NKAIN3: variants seen among roughly 807,000 people sequenced by gnomAD.
NKAIN3 encodes the protein sodium/potassium transporting ATPase interacting 3, also known as sodium/potassium-transporting ATPase subunit beta-1-interacting protein 3.
In NKAIN3, 25 loss-of-function variants were observed where a neutral mutation model predicts 30.2. That is an observed-to-expected ratio of 0.83 (90% CI 0.60 to 1.16). NKAIN3 has a LOEUF of 1.16. NKAIN3 is among the 50% of genes most tolerant of loss of function. The pLI is 0.00. For missense variants in NKAIN3, 225 were observed against 254.1 expected (o/e 0.89, Z 0.78); for synonymous variants, 91 against 89.6 (o/e 1.02, Z -0.09).
intron 1 of NKAIN3, among the ~76,000 whole-genome samples, chr8:62,331,208 T>G (rs1020708852): frequency 6.8e-6 from 1 of 148,102 alleles, no homozygotes; most frequent in East Asian, 2.1e-4. Context: ...GGGTCACTTA[T>G]GTACATTTAA....
chr8:62,811,502 T>A (rs973233097), intron 4 of NKAIN3, among the ~76,000 whole-genome samples: 1 of 152,086 alleles, frequency 6.6e-6, no homozygotes, highest in East Asian at 1.9e-4. Flanking sequence ...ATATGGGTGA[T>A]CTAGTTTCTC....
At chr8:62,845,038 A>T (rs1819635419) in intron 4 of NKAIN3, among the ~76,000 whole-genome samples, 1 of 151,952 alleles carries the variant, frequency 6.6e-6, no homozygotes, top group Non-Finnish European at 1.5e-5. Flanking sequence ...AGTATATTGT[A>T]TGCAACCGTA....
chr8:62,702,334 G>C (rs1207768965), intron 3 of NKAIN3, among the ~76,000 whole-genome samples: 1 of 152,150 alleles, frequency 6.6e-6, no homozygotes, highest in East Asian at 1.9e-4. Flanking sequence ...AAAGTATCCA[G>C]TTTAAGACAG....
At chr8:62,300,537 G>T (rs1814010931) in intron 1 of NKAIN3, among the ~76,000 whole-genome samples, 1 of 151,952 alleles carries the variant, frequency 6.6e-6, no homozygotes, top group Non-Finnish European at 1.5e-5. Context: ...TATTTTTCTA[G>T]CAATTAAAAA....
At chr8:62,780,448 C>T (rs1817322456) in intron 4 of NKAIN3, among the ~76,000 whole-genome samples, 1 of 152,042 alleles carries the variant, frequency 6.6e-6, no homozygotes, top group Non-Finnish European at 1.5e-5. Context: ...ATGATAGCAT[C>T]ATCCTAATAC....
At chr8:62,520,432 C>T (rs1808120289) in intron 1 of NKAIN3, among the ~76,000 whole-genome samples, 1 of 151,932 alleles carries the variant, frequency 6.6e-6, no homozygotes, top group Non-Finnish European at 1.5e-5. Context: ...ATTATCACTT[C>T]CATAGGTAAT....
At chr8:62,883,646 GA>G (rs1480995850) in intron 4 of NKAIN3, among the ~76,000 whole-genome samples, 8 of 151,826 alleles carry the variant, frequency 5.3e-5, no homozygotes, top group Non-Finnish European at 1.2e-4. Context: ...GATCTTAGCA[GA>G]AAAACTTATA....
rs1250633269 is a variant in NKAIN3, at chr8:62,972,977, A to G, written c.*7570A>G. Among the ~76,000 whole-genome samples the G allele has an allele frequency of 6.6e-6, 1 of 151,906 alleles. No individual in the cohort carries two copies. The highest frequency in any genetic ancestry group is 1.5e-5 in the Non-Finnish European group (1 of 68,008). ...GCTGAGAATGATGGTTTCCAGCTTC[A>G]TCCATGTCCCTGCAAAGGACATTAA... is the stretch of plus-strand genomic sequence containing the variant. On this transcript the variant is annotated 3_prime_UTR_variant, in exon 7 of 7. Coordinates refer to ENST00000623646, the MANE Select transcript of NKAIN3 (RefSeq NM_001304533.3).
chr8:62,856,844 C>G (rs1820074518), intron 4 of NKAIN3: 1 of 603,192 alleles, frequency 1.7e-6, no homozygotes, highest in African/African-American at 1.9e-5. Context: ...GCCAAGAGAT[C>G]TCAAACACTG....
At chr8:62,555,848 G>A (rs888131297) in intron 1 of NKAIN3, among the ~76,000 whole-genome samples, 1 of 151,872 alleles carries the variant, frequency 6.6e-6, no homozygotes, top group Non-Finnish European at 1.5e-5. Flanking sequence ...AAAGAAAACG[G>A]ACAAATTTTC....
chr8:62,672,851 A>C (rs901659775), intron 3 of NKAIN3, among the ~76,000 whole-genome samples: 1 of 152,142 alleles, frequency 6.6e-6, no homozygotes, highest in African/African-American at 2.4e-5. Context: ...AATTTTATCT[A>C]AAAAAATTGA....
At chr8:62,267,859 G>A (rs1383395328) in intron 1 of NKAIN3, among the ~76,000 whole-genome samples, 3 of 152,202 alleles carry the variant, frequency 2.0e-5, no homozygotes, top group East Asian at 1.9e-4. Context: ...GTAATTAAGA[G>A]CATGCATTTA....
chr8:62,811,548 T>G (rs540250207), intron 4 of NKAIN3, among the ~76,000 whole-genome samples: 1 of 152,160 alleles, frequency 6.6e-6, no homozygotes, highest in African/African-American at 2.4e-5. Context: ...ATTGTCATTA[T>G]TTCTTTATTT....
At chr8:62,599,780 T>C (rs1185405599) in intron 3 of NKAIN3, among the ~76,000 whole-genome samples, 4 of 152,048 alleles carry the variant, frequency 2.6e-5, no homozygotes, top group African/African-American at 9.7e-5. Flanking sequence ...CTTTTTGACA[T>C]ACATCTGCAG....
chr8:62,831,430 G>A (rs1186029142), intron 4 of NKAIN3, among the ~76,000 whole-genome samples: 1 of 152,086 alleles, frequency 6.6e-6, no homozygotes, highest in African/African-American at 2.4e-5. Flanking sequence ...AGCATGGATT[G>A]TAAGGATGCT....
intron 5 of NKAIN3, among the ~76,000 whole-genome samples, chr8:62,924,843 C>T (rs1822391169): frequency 6.6e-6 from 1 of 152,188 alleles, no homozygotes; most frequent in Non-Finnish European, 1.5e-5. Context: ...TCATAAATGA[C>T]TGTCTTCTTC....
chr8:62,755,463 C>T (rs760891300), intron 4 of NKAIN3, among the ~76,000 whole-genome samples: 8 of 152,078 alleles, frequency 5.3e-5, no homozygotes, highest in Non-Finnish European at 1.0e-4. Flanking sequence ...CTCTCAACAG[C>T]CTTTCTGATC....
intron 4 of NKAIN3, among the ~76,000 whole-genome samples, chr8:62,799,287 T>G (rs1817977072): frequency 6.6e-6 from 1 of 152,104 alleles, no homozygotes; most frequent in Non-Finnish European, 1.5e-5. Flanking sequence ...ATCTTCATAA[T>G]CTATACATCT....
chr8:62,496,782 G>A (rs1246827627), intron 1 of NKAIN3, among the ~76,000 whole-genome samples: 1 of 152,156 alleles, frequency 6.6e-6, no homozygotes, highest in East Asian at 1.9e-4. Flanking sequence ...GCGTAGATTA[G>A]ACTAACTTTA....
Sources: allele counts gnomAD v4.1 joint callset (sites outside exome capture counted in the v4.1 genomes callset), GRCh38; gene constraint gnomAD v4.1.1; transcripts MANE v1.5; gene names NCBI Gene and HGNC (gene_info 2026-07-23, HGNC 2026-07-21).